The following ZFHX3 variants were observed in gnomAD, a reference collection of about 807,000 sequenced individuals.
ZFHX3 encodes the protein zinc finger homeobox 3.
ZFHX3 carries 42 observed loss-of-function variants against 279.1 expected under a neutral mutation model. That is an observed-to-expected ratio of 0.15 (90% CI 0.12 to 0.19). The LOEUF (loss-of-function observed/expected upper bound fraction) is 0.19. ZFHX3 is among the 10% of genes least tolerant of loss of function. ZFHX3 has a pLI of 1.00. For synonymous variants in ZFHX3, 2,293 were observed against 1,957.8 expected (o/e 1.17, Z -4.52); for missense variants, 4,981 against 4,754.0 (o/e 1.05, Z -1.40).
chr16:72,787,645 A>T lies in ZFHX3; in HGVS notation c.10631T>A (p.Leu3544Gln), dbSNP rs746948562. ...CAAGGCCGACTCGAGATGTTGACTC[A>T]GAGCTTCCTCCCCACAGAGCGCGCT... ...CESALCGEEA[L>Q]SQHLESALHK... Residue 3544 changes from leucine (L) to glutamine (Q), a missense_variant, in exon 10 of 10, where the codon CTG (leucine) becomes CAG (glutamine). By Grantham distance (113) the Leu-to-Gln change is moderately radical. Around this residue, in one of 7 missense-constraint regions of ZFHX3, gnomAD observed 1,034 missense variants for 786.0 expected, o/e 1.32. Coordinates refer to ENST00000268489, the MANE Select transcript of ZFHX3 (RefSeq NM_006885.4). 4 of 1,610,312 alleles carry T rather than the reference A, an allele frequency of 2.5e-6. No individual in the cohort carries two copies. The South Asian group carries it at 3.3e-5, about 13-fold the overall frequency.
chr16:73,757,844 A>T (rs1265126226), intron 1 of ZFHX3, among the ~76,000 whole-genome samples: 8 of 152,196 alleles, frequency 5.3e-5, no homozygotes, highest in Admixed American at 5.2e-4. Flanking sequence ...GAAGCCCAGG[A>T]AACCTTGATG....
In ZFHX3 at chr16:72,878,211, CA is replaced by C. The variant is rs926012241; in HGVS notation, c.3448+11519del. On this transcript the variant is annotated intron_variant, in intron 4 of 9. Transcript: ENST00000268489. The stretch of plus-strand genomic sequence containing the variant: ...GAAAACAAAAACAAAAACAAAAAAA[CA>C]AAAAAAACTCACCTACCAAAAGTCC... Among the ~76,000 whole-genome samples the C allele has an allele frequency of 2.6e-5, 4 of 151,798 alleles. 1 individual carries two copies. The South Asian group carries it at 8.3e-4, about 32-fold the overall frequency.
At chr16:73,189,892 A>G (rs1967990633) in intron 5 of ZFHX3, among the ~76,000 whole-genome samples, 1 of 152,168 alleles carries the variant, frequency 6.6e-6, no homozygotes, top group African/African-American at 2.4e-5. Flanking sequence ...CCAGGAGTTC[A>G]AGACCAGCCT....
intron 1 of ZFHX3, among the ~76,000 whole-genome samples, chr16:73,785,039 G>T (rs923450993): frequency 3.3e-5 from 5 of 151,766 alleles, no homozygotes; most frequent in Non-Finnish European, 7.4e-5. Context: ...TTAAAATATT[G>T]TTTGATTTCA....
chr16:73,674,417 G>A (rs1265295681), intron 2 of ZFHX3, among the ~76,000 whole-genome samples: 1 of 152,144 alleles, frequency 6.6e-6, no homozygotes, highest in Non-Finnish European at 1.5e-5. Flanking sequence ...AAAATCAATT[G>A]GAAGAGATCA....
chr16:73,185,416 A>G (rs1169115115), intron 5 of ZFHX3, among the ~76,000 whole-genome samples: 1 of 152,220 alleles, frequency 6.6e-6, no homozygotes, highest in Non-Finnish European at 1.5e-5. Flanking sequence ...TGGCAGAGCA[A>G]AGGGCGGAAC....
chr16:73,721,807 G>A (rs572211337), intron 1 of ZFHX3, among the ~76,000 whole-genome samples: 1 of 152,324 alleles, frequency 6.6e-6, no homozygotes, highest in South Asian at 2.1e-4. Context: ...CACTTTGGGA[G>A]GCTGAGACAG....
chr16:73,726,746 T>C (rs1356141536), intron 1 of ZFHX3, among the ~76,000 whole-genome samples: 1 of 152,102 alleles, frequency 6.6e-6, no homozygotes, highest in Non-Finnish European at 1.5e-5. Context: ...CCAGATCTTG[T>C]GGGAAATCAC....
chr16:73,030,894 TTGTGTTG>T (rs1964675279), intron 1 of ZFHX3, among the ~76,000 whole-genome samples: 1 of 152,144 alleles, frequency 6.6e-6, no homozygotes, highest in African/African-American at 2.4e-5. Flanking sequence ...GATTTTTGTT[TTGTGTTG>T]TGTCTTAGCA....
chr16:73,767,567 T>C (rs2053964624), intron 1 of ZFHX3, among the ~76,000 whole-genome samples: 1 of 152,186 alleles, frequency 6.6e-6, no homozygotes, highest in Non-Finnish European at 1.5e-5. Context: ...GAAAACAAGA[T>C]ATATAATAGA....
chr16:73,687,639 C>T (rs528396999), intron 1 of ZFHX3, among the ~76,000 whole-genome samples: 8 of 151,470 alleles, frequency 5.3e-5, no homozygotes, highest in African/African-American at 9.7e-5. Context: ...GTCAAGAGAT[C>T]GAGACCATCC....
At chr16:73,451,515 TA>T (rs2018281343) in intron 3 of ZFHX3, among the ~76,000 whole-genome samples, 1 of 152,234 alleles carries the variant, frequency 6.6e-6, no homozygotes, top group African/African-American at 2.4e-5. Flanking sequence ...TCCTTATTTC[TA>T]ATTACCAGAT....
At chr16:72,989,343 G>A (rs546427208) in intron 1 of ZFHX3, among the ~76,000 whole-genome samples, 7 of 152,108 alleles carry the variant, frequency 4.6e-5, no homozygotes, top group South Asian at 2.1e-4. Context: ...TTAGCCAGGC[G>A]TGGTGCTGCA....
At chr16:73,128,394 A>G (rs1302674859) in intron 7 of ZFHX3, among the ~76,000 whole-genome samples, 7 of 152,250 alleles carry the variant, frequency 4.6e-5, no homozygotes, top group Non-Finnish European at 7.3e-5. Context: ...CATGTGAAGA[A>G]ACTATTCTTG....
intron 5 of ZFHX3, among the ~76,000 whole-genome samples, chr16:72,825,883 A>G (rs1266211421): frequency 6.6e-6 from 1 of 152,218 alleles, no homozygotes; most frequent in Non-Finnish European, 1.5e-5. Flanking sequence ...GTAAATGACT[A>G]TGGTATTGTT....
chr16:73,430,632 C>A (rs868488725), intron 3 of ZFHX3, among the ~76,000 whole-genome samples: 3 of 152,198 alleles, frequency 2.0e-5, no homozygotes, highest in Non-Finnish European at 2.9e-5. Flanking sequence ...CCTGGCTCTT[C>A]TGCCTGTCAT....
At chr16:72,905,459 T>C (rs1369247452) in intron 3 of ZFHX3, among the ~76,000 whole-genome samples, 2 of 152,140 alleles carry the variant, frequency 1.3e-5, no homozygotes, top group Non-Finnish European at 2.9e-5. Flanking sequence ...GTTATTTACA[T>C]AGGTTTACTA....
intron 1 of ZFHX3, among the ~76,000 whole-genome samples, chr16:73,705,855 A>T (rs116951809): frequency 0.023 from 3,526 of 152,190 alleles, 60 homozygotes; most frequent in Non-Finnish European, 0.035. Context: ...GGCCCTATAC[A>T]TTCAGCCTCA....
intron 3 of ZFHX3, among the ~76,000 whole-genome samples, chr16:73,449,743 C>T (rs570021148): frequency 7.8e-4 from 119 of 152,180 alleles, no homozygotes; most frequent in African/African-American, 2.6e-3. Context: ...TAGCTGTGTG[C>T]TAATTTTCTC....
Sources: allele counts gnomAD v4.1 joint callset (sites outside exome capture counted in the v4.1 genomes callset), GRCh38; gene constraint gnomAD v4.1.1; regional missense constraint gnomAD v4.1.1; transcripts MANE v1.5; gene names NCBI Gene and HGNC (gene_info 2026-07-23, HGNC 2026-07-21).